Variants in SLC23A2 observed in about 807,000 individuals in gnomAD.
The protein encoded by SLC23A2 is Na(+)/L-ascorbic acid transporter 2.
Under a neutral mutation model 73.3 loss-of-function variants are expected in SLC23A2, and 36 were observed. The ratio of observed to expected loss-of-function variants is 0.49; its 90% CI spans 0.38 to 0.65. SLC23A2 has a LOEUF of 0.65. SLC23A2 is among the 30% of genes least tolerant of loss of function. The pLI, the probability that SLC23A2 is intolerant of heterozygous loss-of-function variation, is 0.00. For missense variants in SLC23A2, 507 were observed against 841.6 expected, an observed-to-expected ratio of 0.60 and a Z score of 4.92; for synonymous variants, 343 against 327.3, an observed-to-expected ratio of 1.05 and a Z score of -0.52.
chr20:4,989,980 G>A (rs531483956), intron 1 of SLC23A2, among the ~76,000 whole-genome samples: 3 of 152,178 alleles, frequency 2.0e-5, no homozygotes, highest in African/African-American at 7.2e-5. Flanking sequence ...ACAGCCAACA[G>A]ACCGCAGAAG....
intron 3 of SLC23A2, among the ~76,000 whole-genome samples, chr20:4,929,351 A>G (rs1365501593): frequency 1.3e-5 from 2 of 152,112 alleles, no homozygotes; most frequent in Non-Finnish European, 2.9e-5. Context: ...TGAGCCTGGA[A>G]GCCCTAAGCC....
intron 1 of SLC23A2, among the ~76,000 whole-genome samples, chr20:4,999,875 C>G (rs1220821515): frequency 3.3e-5 from 5 of 152,178 alleles, no homozygotes; most frequent in African/African-American, 1.2e-4. Flanking sequence ...GCAAAGAAAC[C>G]AAAAGAGAAA....
intron 1 of SLC23A2, among the ~76,000 whole-genome samples, chr20:4,988,207 C>G (rs540482181): frequency 6.6e-6 from 1 of 152,084 alleles, no homozygotes; most frequent in East Asian, 1.9e-4. Flanking sequence ...GAGGCTGAGG[C>G]AGGAGAATTG....
chr20:4,900,795 G>A (rs907947746), intron 5 of SLC23A2, among the ~76,000 whole-genome samples: 5 of 151,750 alleles, frequency 3.3e-5, no homozygotes, highest in African/African-American at 4.8e-5. Context: ...CAGCACTCAC[G>A]ACTCACTTCC....
In SLC23A2 at chr20:4,857,282, A is replaced by T. The variant is rs1321640569; in HGVS notation, c.1721-78T>A. On this transcript the variant is annotated intron_variant, in intron 16 of 16. Coordinates refer to ENST00000338244, the MANE Select transcript of SLC23A2 (RefSeq NM_005116.6). The surrounding 1 kb of genome is among the most constrained non-coding windows in gnomAD (Gnocchi z 4.0). ...TGAAAATGAAACTGTCGTCAAACAC[A>T]TACACACACACACACACACACACAC... 7 of 535,460 alleles carry T rather than the reference A, an allele frequency of 1.3e-5. No individual in the cohort carries two copies. The African/African-American group carries it at 2.0e-4, about 15-fold the overall frequency. 33.2% of individuals were successfully genotyped at this position (535,460 alleles called of 1,614,324 possible).
At chr20:4,930,712 G>A (rs747008585) in intron 3 of SLC23A2, among the ~76,000 whole-genome samples, 4 of 152,098 alleles carry the variant, frequency 2.6e-5, no homozygotes, top group Non-Finnish European at 4.4e-5. Context: ...CCAGCTACTC[G>A]GGAGGCTGAG....
Position 4,984,323 on chromosome 20 carries a change from G to T in SLC23A2, c.-281-13404C>A, listed in dbSNP as rs560799418. ...TAATCCCAGCACTTTGGGAGGCCGA[G>T]GCGGGTGGATCACAAGGTCAGGAGA... On this transcript the variant is annotated intron_variant, in intron 1 of 16. Coordinates refer to ENST00000338244, the MANE Select transcript of SLC23A2 (RefSeq NM_005116.6). Among the ~76,000 whole-genome samples the T allele has an allele frequency of 2.4e-4, 37 of 151,680 alleles. No homozygotes were observed. In the South Asian group the frequency reaches 7.2e-3, roughly 29 times the overall value.
chr20:5,005,973 C>T (rs191877624), upstream of SLC23A2, among the ~76,000 whole-genome samples: 16 of 150,050 alleles, frequency 1.1e-4, no homozygotes, highest in South Asian at 2.1e-4. Flanking sequence ...GCAACAAGAG[C>T]GAAACTCCGT....
intron 2 of SLC23A2, among the ~76,000 whole-genome samples, chr20:4,962,817 G>A (rs2087413446): frequency 6.6e-6 from 1 of 152,090 alleles, no homozygotes; most frequent in African/African-American, 2.4e-5. Flanking sequence ...TGCCAACATG[G>A]TAAAACCCCA....
At chr20:4,990,856 A>C (rs6053016) in intron 1 of SLC23A2, among the ~76,000 whole-genome samples, 53,952 of 149,954 alleles carry the variant, frequency 0.36, 10,169 homozygotes, top group Admixed American at 0.42. Context: ...GTGGAACAGG[A>C]CTGTAATTCT....
intron 11 of SLC23A2, among the ~76,000 whole-genome samples, chr20:4,870,739 G>A (rs1930416588): frequency 6.6e-6 from 1 of 152,184 alleles, no homozygotes; most frequent in Non-Finnish European, 1.5e-5. Flanking sequence ...CTGCTGTACA[G>A]AGCAGGGTAC....
rs6133178 is a variant in SLC23A2, at chr20:4,939,404, C to A, written c.-154-6688G>T. On this transcript the variant is annotated intron_variant, in intron 2 of 16. Coordinates refer to ENST00000338244, the MANE Select transcript of SLC23A2 (RefSeq NM_005116.6). ...CGTCACCACCATCAATGTACACCGA[C>A]CAAGAAAGATGAGGGAAGTATTAGA... Among the ~76,000 whole-genome samples, 72 of 152,210 alleles carry A rather than the reference C, an allele frequency of 4.7e-4. No individual in the cohort carries two copies. In the East Asian group the frequency reaches 8.7e-3, roughly 18 times the overall value.
intron 1 of SLC23A2, among the ~76,000 whole-genome samples, chr20:4,986,198 T>C (rs1285634946): frequency 1.3e-5 from 2 of 152,132 alleles, no homozygotes; most frequent in Non-Finnish European, 1.5e-5. Context: ...CTGGATGCAG[T>C]GGCTCATGCC....
chr20:4,986,029 C>T (rs894335400), intron 1 of SLC23A2, among the ~76,000 whole-genome samples: 6 of 152,162 alleles, frequency 3.9e-5, no homozygotes, highest in Non-Finnish European at 7.4e-5. Flanking sequence ...CACAGAATCT[C>T]GTCTGGTTTC....
chr20:4,948,961 C>T lies in SLC23A2; in HGVS notation c.-154-16245G>A, dbSNP rs1056503314. 2.0e-5 allele frequency among the ~76,000 whole-genome samples: 3 copies of T among 152,236 alleles called. No individual in the cohort carries two copies. In the South Asian group the frequency reaches 6.2e-4, roughly 31 times the overall value. On this transcript the variant is annotated intron_variant, in intron 2 of 16. Transcript: ENST00000338244. ...ATATTCCTTTTTGGTTGTTTACTTA[C>T]TTTTCATCAGACTTCTGAAACTCTG...
chr20:4,908,396 A>C lies in SLC23A2; in HGVS notation c.207+4484T>G, dbSNP rs186256012. 2.0e-3 allele frequency among the ~76,000 whole-genome samples: 302 copies of C among 152,368 alleles called. 1 individual carries two copies. The highest frequency in any genetic ancestry group is 6.3e-3 in the African/African-American group (263 of 41,594). ...TAACAACGAAAAATTGTTCCAGATT[A>C]AAGGAGACTAAAGATATACCTAAAA... is the stretch of plus-strand genomic sequence containing the variant. On this transcript the variant is annotated intron_variant, in intron 4 of 16. Coordinates refer to ENST00000338244, the MANE Select transcript of SLC23A2 (RefSeq NM_005116.6).
intron 1 of SLC23A2, among the ~76,000 whole-genome samples, chr20:4,982,544 C>T (rs2087743625): frequency 6.6e-6 from 1 of 151,964 alleles, no homozygotes; most frequent in Admixed American, 6.6e-5. Flanking sequence ...TACACAGGAC[C>T]CAGAATAGTC....
Position 4,908,535 on chromosome 20 carries a change from G to A in SLC23A2, c.207+4345C>T, listed in dbSNP as rs142961038. 8.4e-3 allele frequency among the ~76,000 whole-genome samples: 1,281 copies of A among 152,292 alleles called. 13 individuals carry two copies. The highest frequency in any genetic ancestry group is 0.029 in the African/African-American group (1,203 of 41,562). Reference sequence around the variant, plus strand: ...ATTATTTGGACAACTGAGGAAATGTGAATAAAGCTTGTAGATATTAAATAT... The same window carrying A: ...ATTATTTGGACAACTGAGGAAATGTAAATAAAGCTTGTAGATATTAAATAT... On this transcript the variant is annotated intron_variant, in intron 4 of 16. Coordinates refer to ENST00000338244, the MANE Select transcript of SLC23A2 (RefSeq NM_005116.6).
Position 4,869,984 on chromosome 20 carries a change from A to G in SLC23A2, c.1172T>C (p.Ile391Thr). 1 of 1,613,816 alleles carries G rather than the reference A, an allele frequency of 6.2e-7. No homozygotes were observed. Among genetic ancestry groups the G allele is most frequent in the South Asian group, 1.1e-5 (1 of 91,064 alleles). ...GTAGTAGTCACCAATAGACTCGATGATGCTGGCGACCACGGCACTGAGCAT... is the reference window on the plus strand; with the variant it reads ...GTAGTAGTCACCAATAGACTCGATGGTGCTGGCGACCACGGCACTGAGCAT... ...IGMLSAVVAS[I>T]IESIGDYYAC... is the part of the protein sequence containing the mutation. The change falls in exon 12 of 17, where the codon ATC becomes ACC. Residue 391 changes from isoleucine to threonine, a missense_variant. Around this residue, in one of 5 missense-constraint regions of SLC23A2, gnomAD observed 217 missense variants for 398.0 expected, o/e 0.55. Coordinates refer to ENST00000338244, the MANE Select transcript of SLC23A2 (RefSeq NM_005116.6).
Sources: allele counts gnomAD v4.1 joint callset (sites outside exome capture counted in the v4.1 genomes callset), GRCh38; gene constraint gnomAD v4.1.1; regional missense constraint gnomAD v4.1.1; non-coding constraint Gnocchi (gnomAD v3.1); transcripts MANE v1.5; gene names NCBI Gene and HGNC (gene_info 2026-07-23, HGNC 2026-07-21).